KLC1: variants seen among roughly 807,000 people sequenced by gnomAD.
KLC1 encodes the protein kinesin light chain 1.
In KLC1, 30 loss-of-function variants were observed where a neutral mutation model predicts 84.2. The ratio of observed to expected loss-of-function variants is 0.36; its 90% CI spans 0.27 to 0.48. KLC1 has a LOEUF of 0.48. Ranked by LOEUF, KLC1 falls within the 20% of genes least tolerant of loss-of-function variation. The pLI is 0.99. For missense variants in KLC1, 499 were observed against 805.4 expected (o/e 0.62, Z 4.60); for synonymous variants, 289 against 293.3 (o/e 0.99, Z 0.15).
intron 1 of KLC1, among the ~76,000 whole-genome samples, chr14:103,654,042 C>T (rs1384216876): frequency 3.3e-5 from 5 of 152,206 alleles, no homozygotes; most frequent in African/African-American, 2.4e-5. Flanking sequence ...GCCCGGTGAC[C>T]GTGCTGCACC....
At chr14:103,665,703 G>C (rs942696212) in intron 5 of KLC1, among the ~76,000 whole-genome samples, 1 of 152,192 alleles carries the variant, frequency 6.6e-6, no homozygotes, top group Non-Finnish European at 1.5e-5. Flanking sequence ...CTCCCAAAGT[G>C]CTAGGATTAC....
chr14:103,674,829 C>A (rs1302917145), intron 9 of KLC1, among the ~76,000 whole-genome samples: 1 of 152,178 alleles, frequency 6.6e-6, no homozygotes, highest in Non-Finnish European at 1.5e-5. Context: ...GCTACTTGAG[C>A]AGCTGGCATT....
chr14:103,696,617 T>C, intron 15 of KLC1: 3 of 985,544 alleles, frequency 3.0e-6, no homozygotes, highest in Non-Finnish European at 3.6e-6. Context: ...TTACCAGCTC[T>C]GACCGTGTCT....
chr14:103,639,917 G>A (rs998055590), intron 1 of KLC1, among the ~76,000 whole-genome samples: 1 of 151,760 alleles, frequency 6.6e-6, no homozygotes, highest in African/African-American at 2.4e-5. Context: ...ACCACACCCA[G>A]CTAATTTTGG....
chr14:103,694,892 T>C lies in KLC1; in HGVS notation c.1848+2467T>C. 3 of 985,518 alleles carry C rather than the reference T, an allele frequency of 3.0e-6. No homozygotes were observed. Among genetic ancestry groups the C allele is most frequent in the Non-Finnish European group, 3.6e-6 (3 of 829,946 alleles). The allele number at this position is 985,518 out of a possible 1,614,324, so 61.0% of individuals were successfully genotyped here. ...TTCATCCCGCCTCATGTCGCAGGAC[T>C]GCTGTGTTTGTGAAAGCGCGTTTGT... On this transcript the variant is annotated intron_variant, in intron 15 of 16. Transcript: ENST00000334553. This position sits in a 1 kb window ranked among gnomAD's most constrained non-coding sequence, Gnocchi z 4.5.
chr14:103,666,220 C>T lies in KLC1; in HGVS notation c.798-3291C>T, dbSNP rs527650890. 1.7e-3 allele frequency among the ~76,000 whole-genome samples: 256 copies of T among 152,010 alleles called. 3 individuals carry two copies. The highest frequency in any genetic ancestry group is 7.9e-4 in the Non-Finnish European group (54 of 67,966). On this transcript the variant is annotated intron_variant, in intron 5 of 16. Coordinates refer to ENST00000334553, the MANE Select transcript of KLC1 (RefSeq NM_001394837.1). ...CTGGGACTACAGGCGCCTGCCACCG[C>T]GCCCGGCTAATTTTTTGTATTTTTA...
intron 4 of KLC1, 145 bp from the exon 5 acceptor site, chr14:103,662,557 C>G (rs771923846): frequency 4.3e-5 from 28 of 655,608 alleles, no homozygotes; most frequent in Non-Finnish European, 6.9e-5. Flanking sequence ...CCCTGCCTGC[C>G]CAGACAGTAC....
At chr14:103,642,740 A>G (rs926015469) in intron 1 of KLC1, among the ~76,000 whole-genome samples, 1 of 152,124 alleles carries the variant, frequency 6.6e-6, no homozygotes, top group Non-Finnish European at 1.5e-5. Context: ...TGAACAATAA[A>G]ATAAATAATG....
chr14:103,655,189 T>G (rs1304272207), intron 2 of KLC1, among the ~76,000 whole-genome samples: 1 of 151,838 alleles, frequency 6.6e-6, no homozygotes, highest in Admixed American at 6.6e-5. Context: ...ATTGCATCAC[T>G]GCACTCCAGC....
intron 13 of KLC1, chr14:103,686,381 C>G (rs1166260962): frequency 4.9e-6 from 1 of 202,064 alleles, no homozygotes; most frequent in Non-Finnish European, 8.8e-6. Context: ...CTTCTTCACT[C>G]TGTGTTTTTT....
chr14:103,636,898 T>G lies in KLC1; in HGVS notation c.-2+7404T>G, dbSNP rs543667532. 7.8e-4 allele frequency among the ~76,000 whole-genome samples: 119 copies of G among 151,596 alleles called. 1 individual carries two copies. Among genetic ancestry groups the G allele is most frequent in the South Asian group, 2.1e-3 (10 of 4,802 alleles). ...CCACCACGCCCAGCTAATTTTTTTT[T>G]TTGTTGTATTTTTATTAGATATGGG... On this transcript the variant is annotated intron_variant, in intron 1 of 16. Coordinates refer to ENST00000334553, the MANE Select transcript of KLC1 (RefSeq NM_001394837.1).
At chr14:103,649,824 T>C (rs2151444056) in intron 1 of KLC1, among the ~76,000 whole-genome samples, 1 of 151,572 alleles carries the variant, frequency 6.6e-6, no homozygotes, top group East Asian at 1.9e-4. Flanking sequence ...GCCTCCGGAG[T>C]AGCTGGGACT....
intron 15 of KLC1, chr14:103,700,035 G>A (rs1343344157): frequency 1.1e-5 from 3 of 269,302 alleles, no homozygotes; most frequent in Admixed American, 4.8e-5. Flanking sequence ...AAGCCAGCCC[G>A]TGGTGGCCAT....
chr14:103,681,010 G>A (rs1451573073), intron 13 of KLC1, among the ~76,000 whole-genome samples: 4 of 152,208 alleles, frequency 2.6e-5, no homozygotes. Context: ...GTGGGCAGGT[G>A]TCCCCGTCAG....
chr14:103,637,478 C>A (rs186721012), intron 1 of KLC1, among the ~76,000 whole-genome samples: 1 of 151,176 alleles, frequency 6.6e-6, no homozygotes, highest in Admixed American at 6.6e-5. Flanking sequence ...TGCAGTGAGT[C>A]GAGATTGCGA....
At chr14:103,680,524 A>G (rs1037481771) in intron 13 of KLC1, among the ~76,000 whole-genome samples, 1 of 152,238 alleles carries the variant, frequency 6.6e-6, no homozygotes, top group African/African-American at 2.4e-5. Context: ...CTAGCATTCT[A>G]AATAAATATT....
At chr14:103,664,021 G>A (rs2079531019) in intron 5 of KLC1, among the ~76,000 whole-genome samples, 1 of 152,096 alleles carries the variant, frequency 6.6e-6, no homozygotes, top group Non-Finnish European at 1.5e-5. Context: ...TTAAAATGAG[G>A]CCGTTCCCTT....
In KLC1 at chr14:103,694,376, C is replaced by T. The variant is rs546747204; in HGVS notation, c.1848+1951C>T. 1.3e-4 allele frequency: 124 copies of T among 944,788 alleles called. No homozygotes were observed. The African/African-American group carries it at 1.9e-3, about 14-fold the overall frequency. The allele number at this position is 944,788 out of a possible 1,614,324, so 58.5% of individuals were successfully genotyped here. A position where few individuals can be genotyped will look rare whatever the true frequency, so the allele number is the denominator to read the frequency against. Reference sequence around the variant, plus strand: ...ACGCCATTCTCCTGCCTCAGCCTCCCGAGTAGCTGGGACTACAGGCACCCG... The same window carrying T: ...ACGCCATTCTCCTGCCTCAGCCTCCTGAGTAGCTGGGACTACAGGCACCCG... On this transcript the variant is annotated intron_variant, in intron 15 of 16. Transcript: ENST00000334553. This position sits in a 1 kb window ranked among gnomAD's most constrained non-coding sequence, Gnocchi z 4.5.
In KLC1 at chr14:103,691,458, C is replaced by CTTTT. The variant is rs71126053; in HGVS notation, c.1782-876_1782-873dup. On this transcript the variant is annotated intron_variant, in intron 14 of 16. Transcript: ENST00000334553. ...TACAAGCATGAGCCACCACGCCTGG[C>CTTTT]TTTTTTTTTTTTTTTTTTTTTTTTT... Among the ~76,000 whole-genome samples the CTTTT allele has an allele frequency of 2.0e-4, 14 of 68,830 alleles. 2 individuals are homozygous for CTTTT. The highest frequency in any genetic ancestry group is 1.1e-3 in the East Asian group (2 of 1,886). The allele number at this position is 68,830 out of a possible 152,430, so 45.2% of individuals were successfully genotyped here.
Sources: allele counts gnomAD v4.1 joint callset (sites outside exome capture counted in the v4.1 genomes callset), GRCh38; gene constraint gnomAD v4.1.1; non-coding constraint Gnocchi (gnomAD v3.1); transcripts MANE v1.5; gene names NCBI Gene and HGNC (gene_info 2026-07-23, HGNC 2026-07-21).